Variants in RALGPS2 observed in about 807,000 individuals in gnomAD.
RALGPS2 encodes the protein Ral GEF with PH domain and SH3 binding motif 2.
In RALGPS2, 43 loss-of-function variants were observed where a neutral mutation model predicts 86.8. The ratio of observed to expected loss-of-function variants is 0.50; its 90% CI spans 0.39 to 0.64. The LOEUF (loss-of-function observed/expected upper bound fraction) is 0.64. Among genes scored for constraint, RALGPS2 ranks in the 30% least tolerant of loss-of-function variants. RALGPS2 has a pLI of 0.00. For synonymous variants in RALGPS2, 243 were observed against 231.3 expected (o/e 1.05, Z -0.46); for missense variants, 536 against 694.6 (o/e 0.77, Z 2.57).
intron 1 of RALGPS2, among the ~76,000 whole-genome samples, chr1:178,744,424 T>G (rs1164724494): frequency 6.6e-6 from 1 of 152,176 alleles, no homozygotes; most frequent in Non-Finnish European, 1.5e-5. Context: ...CTGAATGCTT[T>G]TTCTCTAAGA....
chr1:178,757,678 C>T (rs1371481543), intron 1 of RALGPS2, among the ~76,000 whole-genome samples: 1 of 152,142 alleles, frequency 6.6e-6, no homozygotes, highest in Non-Finnish European at 1.5e-5. Flanking sequence ...TGGTGTGCTG[C>T]TGGATTCGGC....
chr1:178,779,319 C>G (rs1430782058), intron 2 of RALGPS2, among the ~76,000 whole-genome samples: 2 of 152,060 alleles, frequency 1.3e-5, no homozygotes, highest in African/African-American at 4.8e-5. Context: ...TGCCTGCTTT[C>G]CTTAATAACT....
chr1:178,831,488 G>A (rs1191623038), intron 7 of RALGPS2, among the ~76,000 whole-genome samples: 2 of 152,020 alleles, frequency 1.3e-5, no homozygotes, highest in African/African-American at 4.8e-5. Flanking sequence ...TAGATATCTG[G>A]TCAGGAACAT....
At chr1:178,753,978 C>G (rs576764734) in intron 1 of RALGPS2, among the ~76,000 whole-genome samples, 191 of 151,988 alleles carry the variant, frequency 1.3e-3, no homozygotes, top group Non-Finnish European at 2.3e-3. Flanking sequence ...ACTACAGGCG[C>G]CCGCCACCAC....
chr1:178,747,197 C>G, intron 1 of RALGPS2: 3 of 1,231,272 alleles, frequency 2.4e-6, no homozygotes, highest in Non-Finnish European at 3.6e-6. Context: ...AGTGCCTGCA[C>G]TACGGTGGAT....
intron 6 of RALGPS2, among the ~76,000 whole-genome samples, chr1:178,817,939 T>C (rs1038763618): frequency 6.6e-6 from 1 of 152,252 alleles, no homozygotes; most frequent in Non-Finnish European, 1.5e-5. Flanking sequence ...AAGGCAGATT[T>C]GACTTCTTCC....
Position 178,738,755 on chromosome 1 carries a change from G to A in RALGPS2, c.-84+13336G>A, listed in dbSNP as rs1650861541. ...CATTCAGCTTTTTTATTTGTAATTG[G>A]GTATAATAGTGCCTTCTCATAGGAT... On this transcript the variant is annotated intron_variant, in intron 1 of 19. Coordinates refer to ENST00000367635, the MANE Select transcript of RALGPS2 (RefSeq NM_152663.5). Among the ~76,000 whole-genome samples the A allele has an allele frequency of 2.0e-5, 3 of 151,936 alleles. No homozygotes were observed. In the South Asian group the frequency reaches 6.2e-4, roughly 32 times the overall value.
At chr1:178,904,993 G>A (rs1479216190) in intron 18 of RALGPS2, among the ~76,000 whole-genome samples, 5 of 152,044 alleles carry the variant, frequency 3.3e-5, no homozygotes, top group Non-Finnish European at 5.9e-5. Flanking sequence ...CATGGGATGT[G>A]TTTCCATTTA....
At chr1:178,738,801 C>A (rs1650864293) in intron 1 of RALGPS2, among the ~76,000 whole-genome samples, 1 of 152,144 alleles carries the variant, frequency 6.6e-6, no homozygotes, top group Non-Finnish European at 1.5e-5. Context: ...ATTTCTTTTA[C>A]TCTTTCTTTC....
rs780305419 is a variant in RALGPS2 at position 178,897,658 on chromosome 1, A to G, written c.1432-6A>G. ...AATAGTATATTCCTGTGTTTGTCCT[A>G]TCCAGGTAGCATCTTGGACAAAATA... is the stretch of plus-strand genomic sequence containing the variant. On this transcript the variant is annotated splice_region_variant and splice_polypyrimidine_tract_variant and intron_variant, in intron 16 of 19. Transcript: ENST00000367635. 7 of 1,606,212 alleles carry G rather than the reference A, an allele frequency of 4.4e-6. No homozygotes were observed. The highest frequency in any genetic ancestry group is 5.1e-6 in the Non-Finnish European group (6 of 1,173,270).
At chr1:178,911,925 C>G (rs951547776) in intron 19 of RALGPS2, among the ~76,000 whole-genome samples, 1 of 152,162 alleles carries the variant, frequency 6.6e-6, no homozygotes, top group African/African-American at 2.4e-5. Flanking sequence ...ATAGTTAAGT[C>G]TTCTGGATGA....
intron 4 of RALGPS2, among the ~76,000 whole-genome samples, chr1:178,793,263 G>T (rs79063005): frequency 0.036 from 5,463 of 151,914 alleles, 145 homozygotes; most frequent in Non-Finnish European, 0.052. Context: ...CTAAATAAAG[G>T]GTATTTAGAC....
intron 4 of RALGPS2, among the ~76,000 whole-genome samples, chr1:178,797,832 C>G (rs1021077469): frequency 6.6e-6 from 1 of 151,976 alleles, no homozygotes; most frequent in Non-Finnish European, 1.5e-5. Flanking sequence ...TAGTCACACC[C>G]ATCGCATTAC....
chr1:178,820,751 A>C (rs911545809), intron 6 of RALGPS2, among the ~76,000 whole-genome samples: 12 of 152,166 alleles, frequency 7.9e-5, no homozygotes, highest in African/African-American at 2.4e-4. Context: ...CATTCATTGA[A>C]TGGTTTTCCA....
chr1:178,837,486 A>G (rs930587727), intron 8 of RALGPS2, among the ~76,000 whole-genome samples: 2 of 152,128 alleles, frequency 1.3e-5, no homozygotes, highest in Admixed American at 1.3e-4. Flanking sequence ...TCTGCTTCTC[A>G]TATTCTCTAG....
intron 8 of RALGPS2, among the ~76,000 whole-genome samples, chr1:178,835,403 T>C (rs1656227068): frequency 6.7e-6 from 1 of 149,316 alleles, no homozygotes; most frequent in Non-Finnish European, 1.5e-5. Flanking sequence ...TTTTTTTTTT[T>C]TTTTTTTGCG....
At chr1:178,855,188 T>G (rs1657447351) in intron 8 of RALGPS2, among the ~76,000 whole-genome samples, 1 of 152,074 alleles carries the variant, frequency 6.6e-6, no homozygotes, top group Admixed American at 6.5e-5. Flanking sequence ...CTTTTGGGTC[T>G]TACTGGGATA....
chr1:178,844,637 T>C (rs911981463), intron 8 of RALGPS2, among the ~76,000 whole-genome samples: 2 of 152,182 alleles, frequency 1.3e-5, no homozygotes, highest in South Asian at 4.1e-4. Context: ...AATTGCTTTA[T>C]AAGAGAATTA....
chr1:178,880,689 T>G (rs1347822332), intron 10 of RALGPS2, among the ~76,000 whole-genome samples: 1 of 152,222 alleles, frequency 6.6e-6, no homozygotes, highest in Non-Finnish European at 1.5e-5. Flanking sequence ...TAAGTAGCTA[T>G]TAGTCATTTA....
Sources: gnomAD v4.1 joint callset for allele counts (sites outside exome capture counted in the v4.1 genomes callset) on GRCh38, gnomAD v4.1.1 for gene constraint, MANE v1.5 for transcripts, NCBI Gene and HGNC (gene_info 2026-07-23, HGNC 2026-07-21) for gene names.